MAP2: variants seen among roughly 807,000 people sequenced by gnomAD.
MAP2 encodes the protein microtubule-associated protein 2.
Under a neutral mutation model 137.6 loss-of-function variants are expected in MAP2, and 14 were observed. The ratio of observed to expected loss-of-function variants is 0.10; its 90% CI spans 0.07 to 0.16. The LOEUF is 0.16. Ranked by LOEUF, MAP2 falls within the 10% of genes least tolerant of loss-of-function variation. MAP2 has a pLI of 1.00. For synonymous variants in MAP2, 786 were observed against 782.3 expected (o/e 1.00, Z -0.08); for missense variants, 2,088 against 2,191.5 (o/e 0.95, Z 0.94).
intron 1 of MAP2, among the ~76,000 whole-genome samples, chr2:209,425,158 A>G (rs1574437939): frequency 6.6e-6 from 1 of 152,250 alleles, no homozygotes; most frequent in South Asian, 2.1e-4. Context: ...AAAACTGGAA[A>G]TTAATGTTAT....
At chr2:209,531,050 A>G (rs1446200818) in intron 2 of MAP2, among the ~76,000 whole-genome samples, 1 of 152,186 alleles carries the variant, frequency 6.6e-6, no homozygotes, top group Non-Finnish European at 1.5e-5. Flanking sequence ...AAATGTTTTT[A>G]TCATTTGTAG....
intron 4 of MAP2, among the ~76,000 whole-genome samples, chr2:209,646,068 C>T (rs1452277668): frequency 6.6e-6 from 1 of 151,978 alleles, no homozygotes; most frequent in Non-Finnish European, 1.5e-5. Flanking sequence ...AGCTGTAGTC[C>T]CAGCTACTTA....
At chr2:209,434,917 A>ATATGTTATATATATGTTATATATATATG (rs377079366) in intron 1 of MAP2, among the ~76,000 whole-genome samples, 1 of 133,720 alleles carries the variant, frequency 7.5e-6, no homozygotes, top group South Asian at 2.4e-4. Flanking sequence ...TGTTATATAT[A>ATATGTTATATATATGTTATATATATATG]TGTTATATAT....
intron 2 of MAP2, among the ~76,000 whole-genome samples, chr2:209,533,726 C>T (rs1052454628): frequency 2.0e-5 from 3 of 152,162 alleles, no homozygotes; most frequent in Admixed American, 6.5e-5. Flanking sequence ...TTGTCTCGTT[C>T]TAGGGATTCA....
At chr2:209,517,843 G>A (rs13020911) in intron 2 of MAP2, among the ~76,000 whole-genome samples, 3,716 of 150,418 alleles carry the variant, frequency 0.025, 58 homozygotes, top group South Asian at 0.07. Context: ...AAGCCATGAG[G>A]TGAATGATAA....
chr2:209,572,254 C>T (rs1440635081), intron 2 of MAP2, among the ~76,000 whole-genome samples: 1 of 152,056 alleles, frequency 6.6e-6, no homozygotes, highest in African/African-American at 2.4e-5. Context: ...ATTCATCCTT[C>T]TCATTGCAGT....
chr2:209,472,221 C>T (rs1311664286), intron 1 of MAP2, among the ~76,000 whole-genome samples: 1 of 152,120 alleles, frequency 6.6e-6, no homozygotes, highest in African/African-American at 2.4e-5. Context: ...TTTTAATTTT[C>T]ATTTGGAGCC....
chr2:209,430,820 G>A (rs985936407), intron 1 of MAP2, among the ~76,000 whole-genome samples: 1 of 151,262 alleles, frequency 6.6e-6, no homozygotes, highest in Non-Finnish European at 1.5e-5. Flanking sequence ...GAATTTTGCT[G>A]CTAGGAGAAC....
intron 3 of MAP2, among the ~76,000 whole-genome samples, chr2:209,593,353 A>G (rs1233049784): frequency 1.3e-5 from 2 of 151,318 alleles, no homozygotes; most frequent in East Asian, 3.9e-4. Context: ...GTATTTTTTA[A>G]TTAAAAAAAT....
chr2:209,591,509 A>G (rs760000629), intron 3 of MAP2, among the ~76,000 whole-genome samples: 2 of 135,532 alleles, frequency 1.5e-5, no homozygotes, highest in Non-Finnish European at 3.0e-5. Flanking sequence ...AACAGTACTT[A>G]TCATAGAATA....
chr2:209,707,109 G>A (rs898422155), intron 12 of MAP2, among the ~76,000 whole-genome samples: 2 of 152,064 alleles, frequency 1.3e-5, no homozygotes, highest in East Asian at 1.9e-4. Context: ...AAGTACTCTC[G>A]AAAGGAACAT....
chr2:209,605,996 T>C (rs2084577434), intron 3 of MAP2, among the ~76,000 whole-genome samples: 1 of 152,188 alleles, frequency 6.6e-6, no homozygotes, highest in Non-Finnish European at 1.5e-5. Flanking sequence ...TGTTAACCGC[T>C]GGATAGATAG....
chr2:209,508,720 A>T (rs1192345650), intron 2 of MAP2, among the ~76,000 whole-genome samples: 1 of 152,110 alleles, frequency 6.6e-6, no homozygotes, highest in Non-Finnish European at 1.5e-5. Context: ...TTATGCCTAT[A>T]GATAATTGGA....
Position 209,693,959 on chromosome 2 carries a change from G to A in MAP2, c.1789G>A (p.Asp597Asn). The change falls in exon 8 of 16, where the codon GAC becomes AAC. Residue 597 changes from aspartate to asparagine, a missense_variant. Physicochemically the swap from Asp to Asn is conservative, Grantham distance 23. Coordinates refer to ENST00000682079, the MANE Select transcript of MAP2 (RefSeq NM_001375505.1). ...AGGCAGTGATTACTATGAACTGAGT[G>A]ACACTAGAGAAAGTGTCCATGAGTC... is the stretch of plus-strand genomic sequence containing the variant. ...EPGSDYYELS[D>N]TRESVHESID... 1 of 1,613,872 alleles carries A rather than the reference G, an allele frequency of 6.2e-7. No homozygotes were observed. The highest frequency in any genetic ancestry group is 8.5e-7 in the Non-Finnish European group (1 of 1,179,930).
chr2:209,460,669 T>C (rs1035095417), intron 1 of MAP2, among the ~76,000 whole-genome samples: 1 of 151,978 alleles, frequency 6.6e-6, no homozygotes, highest in African/African-American at 2.4e-5. Flanking sequence ...ATCTTTTAAC[T>C]AATTTATAAC....
chr2:209,646,782 TTTGTTGTTG>T (rs564612081), intron 4 of MAP2, among the ~76,000 whole-genome samples: 2 of 151,956 alleles, frequency 1.3e-5, no homozygotes, highest in African/African-American at 2.4e-5. Context: ...TCTTCATTCT[TTTGTTGTTG>T]TTGTTGTTGT....
chr2:209,568,654 T>A (rs1280393378), intron 2 of MAP2, among the ~76,000 whole-genome samples: 1 of 151,892 alleles, frequency 6.6e-6, no homozygotes, highest in African/African-American at 2.4e-5. Flanking sequence ...AAATCAGGTA[T>A]TTAGATCTAC....
At chr2:209,555,049 C>A (rs933407094) in intron 2 of MAP2, among the ~76,000 whole-genome samples, 1 of 151,280 alleles carries the variant, frequency 6.6e-6, no homozygotes, top group Non-Finnish European at 1.5e-5. Context: ...CAAATATAAT[C>A]ATAAATCCTG....
intron 2 of MAP2, among the ~76,000 whole-genome samples, chr2:209,554,865 G>T (rs1207344933): frequency 1.3e-5 from 2 of 148,238 alleles, no homozygotes; most frequent in African/African-American, 4.9e-5. Context: ...GTAACTATCT[G>T]ATAAATATTA....
Sources: allele counts gnomAD v4.1 joint callset (sites outside exome capture counted in the v4.1 genomes callset), GRCh38; gene constraint gnomAD v4.1.1; transcripts MANE v1.5; gene names NCBI Gene and HGNC (gene_info 2026-07-23, HGNC 2026-07-21).